The following KNDC1 variants were observed in gnomAD, a reference collection of about 807,000 sequenced individuals.
KNDC1 encodes kinase non-catalytic C-lobe domain-containing protein 1.
Under a neutral mutation model 172.8 loss-of-function variants are expected in KNDC1, and 106 were observed. The ratio of observed to expected loss-of-function variants is 0.61; its 90% CI spans 0.52 to 0.72. The LOEUF (loss-of-function observed/expected upper bound fraction) is 0.72. Ranked by LOEUF, KNDC1 falls within the 30% of genes least tolerant of loss-of-function variation. The probability of loss-of-function intolerance (pLI) is 0.00; values close to 1 mark genes in which losing one functional copy is unlikely to be tolerated. For synonymous variants in KNDC1, 1,083 were observed against 1,062.2 expected (o/e 1.02, Z -0.38); for missense variants, 2,325 against 2,394.5 (o/e 0.97, Z 0.61).
rs34697182 is a variant in KNDC1, at chr10:133,186,142, C to A, written c.794C>A (p.Thr265Asn). The A allele has an allele frequency of 4.0e-5, 64 of 1,591,476 alleles. No individual in the cohort carries two copies. The highest frequency in any genetic ancestry group is 5.2e-5 in the Non-Finnish European group (61 of 1,169,506). Reference protein sequence around the residue: ...RASPTKALLSTPVRNGESHSR... With the variant: ...RASPTKALLSNPVRNGESHSR... ...TCCCCAACCAAGGCTCTGCTGTCCA[C>A]CCCGGTGAGAAATGGCGAGAGCCAC... The change falls in exon 6 of 30, where the codon ACC (threonine) becomes AAC (asparagine). Residue 265 changes from threonine to asparagine, a missense_variant. Coordinates refer to ENST00000304613, the MANE Select transcript of KNDC1 (RefSeq NM_152643.8).
intron 9 of KNDC1, 144 bp from the exon 10 acceptor site, chr10:133,195,519 T>C (rs915979578): frequency 7.0e-5 from 49 of 701,820 alleles, no homozygotes; most frequent in Non-Finnish European, 9.4e-5. Context: ...TGGGGCCTGA[T>C]AGATGCTGAG....
intron 9 of KNDC1, 103 bp from the exon 10 acceptor site, chr10:133,195,560 G>A: frequency 8.7e-7 from 1 of 1,146,432 alleles, no homozygotes. Context: ...CCTCTGTGGG[G>A]GCAGTGCCTG....
intron 9 of KNDC1, among the ~76,000 whole-genome samples, chr10:133,193,600 G>A (rs918778657): frequency 6.6e-5 from 10 of 152,048 alleles, no homozygotes; most frequent in African/African-American, 2.4e-4. Context: ...GGAGAAGGAA[G>A]GAGGAAGAGA....
rs1219281828 is a variant in KNDC1 at position 133,160,494 on chromosome 10, G to A, written c.27G>A (p.Ala9=). The A allele has an allele frequency of 1.9e-6, 3 of 1,587,504 alleles. No homozygotes were observed. Among genetic ancestry groups the A allele is most frequent in the Non-Finnish European group, 1.7e-6 (2 of 1,168,968 alleles). MQAMDPAA[A]DLYEEDGKDL... The stretch of plus-strand genomic sequence containing the variant: ...TGCAGGCCATGGACCCGGCCGCGGC[G>A]GATCTTTACGAGGAGGACGGCAAAG... Residue 9 remains alanine, a synonymous_variant, in exon 1 of 30, where the codon GCG becomes GCA. Coordinates refer to ENST00000304613, the MANE Select transcript of KNDC1 (RefSeq NM_152643.8).
chr10:133,198,951 G>A lies in KNDC1; in HGVS notation c.2443G>A (p.Ala815Thr), dbSNP rs1444115267. The change falls in exon 14 of 30, where the codon GCC becomes ACC. Residue 815 changes from alanine (A) to threonine (T), a missense_variant. Transcript: ENST00000304613. The stretch of plus-strand genomic sequence containing the variant: ...TGCTTCCGGGGGCCTCAGGCCCGAC[G>A]CCCTGGGGCCCACCACGGCCCACCA... ...GVASGGLRPDALGPTTAHHGP... is the reference protein window; with the variant it reads ...GVASGGLRPDTLGPTTAHHGP... The A allele has an allele frequency of 7.8e-6, 12 of 1,546,654 alleles. No individual in the cohort carries two copies. Among genetic ancestry groups the A allele is most frequent in the South Asian group, 3.6e-5 (3 of 84,256 alleles).
rs1200380348 is a variant in KNDC1, at chr10:133,188,663, G to C, written c.1441+10G>C. ...CGCCCTGAGCACCCAGGTGACGCAC[G>C]CACCATCCCATCCCCCCCGCCGTCC... On this transcript the variant is annotated intron_variant, in intron 7 of 29. Transcript: ENST00000304613. The C allele has an allele frequency of 4.6e-6, 7 of 1,529,508 alleles. No individual in the cohort carries two copies. Among genetic ancestry groups the C allele is most frequent in the Non-Finnish European group, 5.3e-6 (6 of 1,131,848 alleles). The allele number at this position is 1,529,508 out of a possible 1,614,324, so 94.7% of individuals were successfully genotyped here.
chr10:133,189,506 C>A (rs570253710), intron 7 of KNDC1, 92 bp from the exon 8 acceptor site: 1 of 1,251,860 alleles, frequency 8.0e-7, no homozygotes, highest in Non-Finnish European at 1.1e-6. Flanking sequence ...GGGGGCTGCC[C>A]GGCCTGACTG....
In KNDC1 at chr10:133,163,035, T is replaced by A. The variant is rs1853026502; in HGVS notation, c.102+2466T>A. Among the ~76,000 whole-genome samples the A allele has an allele frequency of 1.5e-5, 2 of 137,152 alleles. No individual in the cohort carries two copies. The highest frequency in any genetic ancestry group is 3.2e-5 in the Non-Finnish European group (2 of 61,846). The allele number at this position is 137,152 out of a possible 152,430, so 90.0% of individuals were successfully genotyped here. A position where few individuals can be genotyped will look rare whatever the true frequency, so the allele number is the denominator to read the frequency against. On this transcript the variant is annotated intron_variant, in intron 1 of 29. Transcript: ENST00000304613. This position sits in a 1 kb window ranked among gnomAD's most constrained non-coding sequence, Gnocchi z 4.4. The stretch of plus-strand genomic sequence containing the variant: ...TGGGGGTGATGCAAGGAGGGCTTCC[T>A]GGAGGTGTCCTGCCCGGGATTCCCA...
rs1368564896 is a variant in KNDC1, at chr10:133,223,292, A to T, written c.5019-1367A>T. On this transcript the variant is annotated intron_variant, in intron 29 of 29. Transcript: ENST00000304613. ...CGGCATGTGTGTGTGTGTGTGTGTG[A>T]GAGCCCATCCAGGCATGCTGTTCCC... 3.3e-4 allele frequency among the ~76,000 whole-genome samples: 14 copies of T among 42,856 alleles called. 3 individuals are homozygous for T. The Admixed American group carries it at 4.0e-3, about 12-fold the overall frequency. The allele number at this position is 42,856 out of a possible 152,430, so 28.1% of individuals were successfully genotyped here. A position where few individuals can be genotyped will look rare whatever the true frequency, so the allele number is the denominator to read the frequency against.
At chr10:133,203,235 C>T (rs566860899) in intron 17 of KNDC1, among the ~76,000 whole-genome samples, 3 of 137,292 alleles carry the variant, frequency 2.2e-5, no homozygotes, top group African/African-American at 5.5e-5. Flanking sequence ...GGGGAGCACT[C>T]GGCCCCCAAA....
chr10:133,217,308 A>ATCCG lies in KNDC1; in HGVS notation c.4678-1522_4678-1519dup, dbSNP rs1374875753. On this transcript the variant is annotated intron_variant, in intron 26 of 29. Transcript: ENST00000304613. Reference sequence around the variant, plus strand: ...ACTGAGACGTCAGCGTAGAAAGTGTATCCGGTAAACACTTCTCAAGCTCCT... The same window carrying ATCCG: ...ACTGAGACGTCAGCGTAGAAAGTGTATCCGTCCGGTAAACACTTCTCAAGCTCCT... Among the ~76,000 whole-genome samples, 3 of 152,394 alleles carry ATCCG rather than the reference A, an allele frequency of 2.0e-5. No individual in the cohort carries two copies. The East Asian group carries it at 5.8e-4, about 29-fold the overall frequency.
chr10:133,186,717 C>T, intron 6 of KNDC1, 43 bp downstream of exon 6: 2 of 1,448,218 alleles, frequency 1.4e-6, no homozygotes, highest in Non-Finnish European at 1.8e-6. Context: ...GGTCGGCGGT[C>T]AGTGAGTCCG....
intron 1 of KNDC1, 59 bp from the exon 2 acceptor site, chr10:133,167,322 G>C: frequency 6.8e-7 from 1 of 1,478,594 alleles, no homozygotes; most frequent in Non-Finnish European, 9.1e-7. Flanking sequence ...GTCTCGGTGG[G>C]GGTGCCGGGG....
At position 133,211,448 on chromosome 10, in the gene KNDC1, T is replaced by C. The variant is rs775597605; in HGVS notation, c.3935T>C (p.Phe1312Ser). The change falls in exon 22 of 30, where the codon TTC becomes TCC. Residue 1312 changes from phenylalanine to serine, a missense_variant. Physicochemically the swap from Phe to Ser is radical, Grantham distance 155. Transcript: ENST00000304613. The stretch of plus-strand genomic sequence containing the variant: ...GCCCACCAGGACCCCACCTCGACCT[T>C]CACCAAGATCTACAGGCGGAGCCTC... ...TRAHQDPTST[F>S]TKIYRRSLCV... The C allele has an allele frequency of 6.3e-5, 100 of 1,598,212 alleles. 1 individual carries two copies. The highest frequency in any genetic ancestry group is 1.7e-5 in the Admixed American group (1 of 58,626).
Position 133,188,553 on chromosome 10 carries a change from G to A in KNDC1, c.1341G>A (p.Gln447=). The A allele has an allele frequency of 6.4e-7, 1 of 1,571,430 alleles. No individual in the cohort carries two copies. The highest frequency in any genetic ancestry group is 8.6e-7 in the Non-Finnish European group (1 of 1,158,610). ...CCTGCCCACAGTGGGTGTCCCTGCA[G>A]GACCTCCTGTCCCAGCTGGGCCGGC... ...SAAAEQWVSL[Q]DLLSQLGRPF... is the part of the protein sequence containing the mutation. Residue 447 remains glutamine, a synonymous_variant, in exon 7 of 30, where the codon CAG becomes CAA. Transcript: ENST00000304613.
intron 29 of KNDC1, among the ~76,000 whole-genome samples, chr10:133,221,626 A>G (rs905205427): frequency 2.0e-5 from 3 of 152,164 alleles, no homozygotes; most frequent in African/African-American, 4.8e-5. Flanking sequence ...CTTGGGGAGC[A>G]ATGCTCAGCG....
In KNDC1 at chr10:133,211,708, C is replaced by A; in HGVS notation, c.4086C>A (p.His1362Gln). 1 of 1,605,132 alleles carries A rather than the reference C, an allele frequency of 6.2e-7. No individual in the cohort carries two copies. The highest frequency in any genetic ancestry group is 8.5e-7 in the Non-Finnish European group (1 of 1,175,782). Residue 1362 changes from histidine to glutamine, a missense_variant, in exon 23 of 30, where the codon CAC (histidine) becomes CAA (glutamine). His to Gln is a conservative substitution (Grantham distance 24). Coordinates refer to ENST00000304613, the MANE Select transcript of KNDC1 (RefSeq NM_152643.8). Reference protein sequence around the residue: ...KILPLDGSAKHLLGLLEVGMD... With the variant: ...KILPLDGSAKQLLGLLEVGMD... The stretch of plus-strand genomic sequence containing the variant: ...TACCCCTGGACGGCTCTGCCAAGCA[C>A]CTGCTGGGCCTCCTGGAGGTGGGCA...
At chr10:133,217,371 G>A (rs1242912871) in intron 26 of KNDC1, among the ~76,000 whole-genome samples, 3 of 152,250 alleles carry the variant, frequency 2.0e-5, no homozygotes, top group African/African-American at 4.8e-5. Context: ...GGCCGCAGTC[G>A]GGGTGAGCCC....
At position 133,224,548 on chromosome 10, in the gene KNDC1, G is replaced by T; in HGVS notation, c.5019-111G>T. On this transcript the variant is annotated intron_variant, in intron 29 of 29. Transcript: ENST00000304613. This position sits in a 1 kb window ranked among gnomAD's most constrained non-coding sequence, Gnocchi z 5.4. ...ACAACCCACCCTTCAGAATTTACAC[G>T]GTGAAAAGATTTAGTCCAAATGATT... The T allele has an allele frequency of 1.3e-6, 1 of 749,752 alleles. No individual in the cohort carries two copies. Among genetic ancestry groups the T allele is most frequent in the East Asian group, 2.7e-5 (1 of 37,190 alleles). The allele number at this position is 749,752 out of a possible 1,614,324, so 46.4% of individuals were successfully genotyped here.
Sources: gnomAD v4.1 joint callset for allele counts (sites outside exome capture counted in the v4.1 genomes callset) on GRCh38, gnomAD v4.1.1 for gene constraint, Gnocchi (gnomAD v3.1) non-coding constraint, MANE v1.5 for transcripts, NCBI Gene and HGNC (gene_info 2026-07-23, HGNC 2026-07-21) for gene names.